MICAL3: variants seen among roughly 807,000 people sequenced by gnomAD.
MICAL3 encodes microtubule associated monooxygenase, calponin and LIM domain containing 3.
In MICAL3, 62 loss-of-function variants were observed where a neutral mutation model predicts 207.4. The observed-to-expected ratio is 0.30, with a 90% CI of 0.24 to 0.37. The LOEUF is 0.37. Among genes scored for constraint, MICAL3 ranks in the 10% least tolerant of loss-of-function variants. The pLI is 1.00. For synonymous variants in MICAL3, 1,077 were observed against 1,069.3 expected (o/e 1.01, Z -0.14); for missense variants, 2,368 against 2,635.6 (o/e 0.90, Z 2.22).
intron 1 of MICAL3, among the ~76,000 whole-genome samples, chr22:17,978,155 C>T (rs1687406869): frequency 6.6e-6 from 1 of 152,112 alleles, no homozygotes; most frequent in South Asian, 2.1e-4. Flanking sequence ...CTATCAACTA[C>T]TGAATGGATA....
chr22:17,813,398 A>G (rs1428088046), intron 27 of MICAL3: 1 of 152,202 alleles, frequency 6.6e-6, no homozygotes, highest in Non-Finnish European at 1.5e-5. Context: ...CATCCATCCC[A>G]TCTGTGGGGC....
At chr22:17,969,253 C>G (rs1935293635) in intron 1 of MICAL3, among the ~76,000 whole-genome samples, 1 of 152,172 alleles carries the variant, frequency 6.6e-6, no homozygotes, top group African/African-American at 2.4e-5. Context: ...ATTGGCCAGG[C>G]TGGTCTTGAA....
chr22:17,877,333 T>TGAG (rs1799607382), intron 16 of MICAL3, among the ~76,000 whole-genome samples: 1 of 11,224 alleles, frequency 8.9e-5, no homozygotes, highest in Non-Finnish European at 1.5e-4. Flanking sequence ...AGGGAGGTTA[T>TGAG]GGAGGTTAGG....
chr22:17,986,519 CAAAA>C (rs908196445), intron 1 of MICAL3, among the ~76,000 whole-genome samples: 2 of 143,336 alleles, frequency 1.4e-5, no homozygotes, highest in Non-Finnish European at 3.1e-5. Flanking sequence ...GAATCTGTCT[CAAAA>C]AAAAAAAGAG....
intron 17 of MICAL3, among the ~76,000 whole-genome samples, chr22:17,871,593 G>A (rs1927729635): frequency 6.6e-6 from 1 of 152,244 alleles, no homozygotes; most frequent in Non-Finnish European, 1.5e-5. Flanking sequence ...TGTCCCTGAA[G>A]TCAGGGAAAT....
At chr22:17,921,687 C>T (rs1932803341) in intron 1 of MICAL3, among the ~76,000 whole-genome samples, 1 of 152,132 alleles carries the variant, frequency 6.6e-6, no homozygotes, top group Non-Finnish European at 1.5e-5. Flanking sequence ...CGGGATTTCA[C>T]CATGTTGGCC....
At chr22:17,899,423 GT>G in intron 7 of MICAL3, 24 bp downstream of exon 7, 1 of 1,455,276 alleles carries the variant, frequency 6.9e-7, no homozygotes, top group Non-Finnish European at 9.6e-7. Context: ...ATAAGAAAGA[GT>G]TTTGAAGGAA....
chr22:17,810,713 T>C lies in MICAL3; in HGVS notation c.5546A>G (p.His1849Arg). The C allele has an allele frequency of 6.2e-7, 1 of 1,613,934 alleles. No homozygotes were observed. Among genetic ancestry groups the C allele is most frequent in the South Asian group, 1.1e-5 (1 of 91,084 alleles). The change falls in exon 28 of 32, where the codon CAT becomes CGT. Residue 1849 changes from histidine (H) to arginine (R), a missense_variant. Physicochemically the swap from His to Arg is conservative, Grantham distance 29. Coordinates refer to ENST00000441493, the MANE Select transcript of MICAL3 (RefSeq NM_015241.3). ...QAKQEELKRLHRAQIIQRQLQ... is the reference protein window; with the variant it reads ...QAKQEELKRLRRAQIIQRQLQ... ...CCTCCATGGTTTTACCTGGGCTCGA[T>C]GCAGCCGCTTAAGCTCCTCCTGCTT... is the stretch of plus-strand genomic sequence containing the variant.
intron 19 of MICAL3, among the ~76,000 whole-genome samples, chr22:17,859,107 G>T (rs927076125): frequency 6.6e-6 from 1 of 152,166 alleles, no homozygotes; most frequent in Non-Finnish European, 1.5e-5. Context: ...ACACCGCCCA[G>T]ACTCTCAGAA....
chr22:17,882,896 C>T (rs1269879725), intron 16 of MICAL3, among the ~76,000 whole-genome samples: 1 of 152,144 alleles, frequency 6.6e-6, no homozygotes, highest in African/African-American at 2.4e-5. Flanking sequence ...ATGACCATAC[C>T]GACTCAGGTG....
At chr22:17,886,988 CAAAAAAAAAAAAA>C (rs55999508) in intron 15 of MICAL3, among the ~76,000 whole-genome samples, 169 bp downstream of exon 15, 111 of 41,354 alleles carry the variant, frequency 2.7e-3, no homozygotes, top group African/African-American at 6.7e-3. Flanking sequence ...ACTCTTGTCT[CAAAAAAAAAAAAA>C]AAAAAAAAAA....
chr22:17,806,134 G>A (rs568557354), intron 29 of MICAL3, among the ~76,000 whole-genome samples: 17 of 152,276 alleles, frequency 1.1e-4, no homozygotes, highest in Non-Finnish European at 2.5e-4. Flanking sequence ...TCAAGTTTCC[G>A]CCTCTCTCTG....
intron 1 of MICAL3, among the ~76,000 whole-genome samples, chr22:17,988,111 G>A (rs775149791): frequency 7.2e-5 from 11 of 152,142 alleles, no homozygotes; most frequent in Non-Finnish European, 1.3e-4. Flanking sequence ...GCTGATGGAA[G>A]TCTGCGAGCA....
chr22:17,791,123 CT>C, intron 30 of MICAL3, 52 bp from the exon 31 acceptor site: 1 of 1,604,530 alleles, frequency 6.2e-7, no homozygotes, highest in Non-Finnish European at 8.5e-7. Flanking sequence ...GGGACCACCC[CT>C]CACCCCCAAA....
At chr22:17,791,719 C>G (rs2061826433) in intron 29 of MICAL3, 2 of 208,900 alleles carry the variant, frequency 9.6e-6, no homozygotes, top group South Asian at 1.7e-4. Context: ...TAAACTGCAC[C>G]CTGCCCTCAG....
At chr22:17,800,836 G>A (rs1037944926) in intron 29 of MICAL3, among the ~76,000 whole-genome samples, 4 of 152,170 alleles carry the variant, frequency 2.6e-5, no homozygotes, top group Non-Finnish European at 4.4e-5. Context: ...TCCAATTAAC[G>A]AATATTACTA....
At position 17,937,889 on chromosome 22, in the gene MICAL3, T is replaced by G. The variant is rs144305949; in HGVS notation, c.-74-31003A>C. Among the ~76,000 whole-genome samples the G allele has an allele frequency of 2.8e-3, 429 of 152,260 alleles. 2 individuals carry two copies. The highest frequency in any genetic ancestry group is 0.01 in the African/African-American group (416 of 41,556). ...TCAAGATATGAATGAAGCCAACAAA[T>G]TACTTGCAAGAGTGCACATATTCTC... On this transcript the variant is annotated intron_variant, in intron 1 of 31. Coordinates refer to ENST00000441493, the MANE Select transcript of MICAL3 (RefSeq NM_015241.3).
At chr22:17,808,149 AGGTTCCCT>A (rs1396288152) in intron 29 of MICAL3, among the ~76,000 whole-genome samples, 1 of 152,260 alleles carries the variant, frequency 6.6e-6, no homozygotes, top group Non-Finnish European at 1.5e-5. Flanking sequence ...GCAGCCGCGC[AGGTTCCCT>A]GGATGGAATG....
intron 19 of MICAL3, among the ~76,000 whole-genome samples, chr22:17,854,964 T>C (rs1925743318): frequency 6.6e-6 from 1 of 152,162 alleles, no homozygotes; most frequent in Non-Finnish European, 1.5e-5. Context: ...ACACCTACCT[T>C]TGTGCTGTGT....
Sources: gnomAD v4.1 joint callset for allele counts (sites outside exome capture counted in the v4.1 genomes callset) on GRCh38, gnomAD v4.1.1 for gene constraint, MANE v1.5 for transcripts, NCBI Gene and HGNC (gene_info 2026-07-23, HGNC 2026-07-21) for gene names.